The following DNAI4 variants were observed in gnomAD, a reference collection of about 807,000 sequenced individuals.
The protein encoded by DNAI4 is dynein axonemal intermediate chain 4.
In DNAI4, 85 loss-of-function variants were observed where a neutral mutation model predicts 105.8. The observed-to-expected ratio is 0.80, with a 90% confidence interval of 0.67 to 0.96. The LOEUF (loss-of-function observed/expected upper bound fraction) is 0.96. Ranked by LOEUF, DNAI4 falls within the 40% of genes least tolerant of loss-of-function variation. The pLI, the probability that DNAI4 is intolerant of heterozygous loss-of-function variation, is 0.00. For synonymous variants in DNAI4, 352 were observed against 331.5 expected (o/e 1.06, Z -0.67); for missense variants, 1,014 against 1,005.6 (o/e 1.01, Z -0.11).
intron 1 of DNAI4, among the ~76,000 whole-genome samples, chr1:66,907,780 T>C (rs1442736222): frequency 2.0e-5 from 3 of 152,232 alleles, no homozygotes; most frequent in Non-Finnish European, 2.9e-5. Context: ...TAAATGATTT[T>C]ACCTGCCTTG....
chr1:66,898,832 G>T (rs1164773467), intron 2 of DNAI4, among the ~76,000 whole-genome samples: 58 of 152,128 alleles, frequency 3.8e-4, no homozygotes, highest in Admixed American at 3.8e-3. Context: ...TGTCTCTATA[G>T]ACTTCCCTAT....
intron 10 of DNAI4, among the ~76,000 whole-genome samples, chr1:66,836,144 G>GAAAGAAAGAAAGA (rs1433246702): frequency 1.1e-4 from 2 of 18,128 alleles, no homozygotes; most frequent in African/African-American, 3.6e-4. Context: ...AGAAAGAAAA[G>GAAAGAAAGAAAGA]AAAGAAAGAA....
chr1:66,918,871 A>G (rs1262744919), intron 1 of DNAI4: 1 of 154,178 alleles, frequency 6.5e-6, no homozygotes, highest in Non-Finnish European at 1.4e-5. Flanking sequence ...GGGAGAATTC[A>G]AGCTGGGAAC....
intron 13 of DNAI4, among the ~76,000 whole-genome samples, chr1:66,832,958 T>C (rs780914232): frequency 8.5e-5 from 13 of 152,192 alleles, no homozygotes; most frequent in Non-Finnish European, 1.6e-4. Flanking sequence ...AATTGAAATG[T>C]AGAAGACTAT....
chr1:66,821,120 T>C (rs556050072), intron 16 of DNAI4, among the ~76,000 whole-genome samples: 1 of 124,100 alleles, frequency 8.1e-6, no homozygotes, highest in South Asian at 2.6e-4. Context: ...TTTTTTTGAG[T>C]CAGAAGTTTG....
intron 1 of DNAI4, among the ~76,000 whole-genome samples, chr1:66,911,876 CTG>C (rs1190879396): frequency 6.6e-6 from 1 of 152,212 alleles, no homozygotes; most frequent in Non-Finnish European, 1.5e-5. Context: ...GAGTCTCACT[CTG>C]TTGCCCAGGC....
chr1:66,829,320 C>T (rs895113513), intron 13 of DNAI4, among the ~76,000 whole-genome samples: 3 of 151,794 alleles, frequency 2.0e-5, no homozygotes, highest in African/African-American at 7.3e-5. Context: ...ATGCTACCTA[C>T]AAAAAAATTT....
At chr1:66,833,547 T>G (rs751816995) in intron 13 of DNAI4, 38 bp downstream of exon 13, 4 of 1,601,552 alleles carry the variant, frequency 2.5e-6, no homozygotes, top group Non-Finnish European at 3.4e-6. Context: ...TTTTGGAAAT[T>G]GTTATGTCCA....
At chr1:66,901,959 C>A (rs937112306) in intron 2 of DNAI4, among the ~76,000 whole-genome samples, 4 of 151,958 alleles carry the variant, frequency 2.6e-5, no homozygotes, top group African/African-American at 9.7e-5. Context: ...TTTATTTTTT[C>A]ATTTTCTTAT....
At chr1:66,836,219 A>T (rs1645999264) in intron 10 of DNAI4, among the ~76,000 whole-genome samples, 1 of 106,186 alleles carries the variant, frequency 9.4e-6, no homozygotes, top group Non-Finnish European at 2.0e-5. Context: ...AGAGAGAGAG[A>T]GAGAGAGAGA....
At chr1:66,827,775 CA>C in intron 14 of DNAI4, 36 bp downstream of exon 14, 4 of 1,265,088 alleles carry the variant, frequency 3.2e-6, no homozygotes, top group Non-Finnish European at 4.4e-6. Flanking sequence ...TTCAGAAATA[CA>C]AAATAAATGT....
chr1:66,852,810 CTCA>C (rs1341844001), intron 7 of DNAI4, among the ~76,000 whole-genome samples: 1 of 152,128 alleles, frequency 6.6e-6, no homozygotes, highest in Non-Finnish European at 1.5e-5. Context: ...AGATAATTAA[CTCA>C]TGAGAGTGGA....
At chr1:66,843,839 C>T (rs1449536766) in intron 8 of DNAI4, among the ~76,000 whole-genome samples, 3 of 152,060 alleles carry the variant, frequency 2.0e-5, no homozygotes, top group African/African-American at 7.2e-5. Context: ...ACTAGGCTCT[C>T]TATTCTGTTC....
chr1:66,847,470 T>C lies in DNAI4; in HGVS notation c.1291+14A>G. 1.9e-6 allele frequency: 3 copies of C among 1,601,834 alleles called. No homozygotes were observed. Among genetic ancestry groups the C allele is most frequent in the Non-Finnish European group, 1.7e-6 (2 of 1,173,516 alleles). ...ACTGCACCCAGCCTAAACATGTTTA[T>C]TTTTTTTAAATACCTTTTAAAACAG... is the stretch of plus-strand genomic sequence containing the variant. On this transcript the variant is annotated intron_variant, in intron 8 of 16. Transcript: ENST00000371026.
chr1:66,914,532 G>A (rs976455605), intron 1 of DNAI4, among the ~76,000 whole-genome samples: 15 of 151,988 alleles, frequency 9.9e-5, no homozygotes, highest in Non-Finnish European at 2.2e-4. Flanking sequence ...AATTAAATCC[G>A]TTTTCATTTC....
chr1:66,876,952 C>T (rs1646971537), intron 4 of DNAI4, among the ~76,000 whole-genome samples: 2 of 152,220 alleles, frequency 1.3e-5, no homozygotes, highest in South Asian at 2.1e-4. Context: ...TAGAACCTTT[C>T]GTGAATGGGT....
At chr1:66,817,208 C>G (rs1255277153) in intron 16 of DNAI4, among the ~76,000 whole-genome samples, 1 of 152,174 alleles carries the variant, frequency 6.6e-6, no homozygotes, top group African/African-American at 2.4e-5. Context: ...AACAAGGCTA[C>G]TATAAACATT....
chr1:66,832,620 A>G (rs1303230283), intron 13 of DNAI4, among the ~76,000 whole-genome samples: 3 of 152,170 alleles, frequency 2.0e-5, no homozygotes, highest in African/African-American at 7.2e-5. Flanking sequence ...CAGAGTGACT[A>G]TAGTCAATAA....
rs202224298 is a variant in DNAI4 at position 66,820,025 on chromosome 1, AT to A, written c.2496+2335del. 4.9e-3 allele frequency among the ~76,000 whole-genome samples: 747 copies of A among 152,332 alleles called. 4 individuals are homozygous for A. Among genetic ancestry groups the A allele is most frequent in the African/African-American group, 0.017 (691 of 41,572 alleles). Reference sequence around the variant, plus strand: ...TGGATTCACTTAAACATTTTAAGACATTTGAATAAGAATGGAATTTTCTTTT... The same window carrying A: ...TGGATTCACTTAAACATTTTAAGACATTGAATAAGAATGGAATTTTCTTTT... On this transcript the variant is annotated intron_variant, in intron 16 of 16. Coordinates refer to ENST00000371026, the MANE Select transcript of DNAI4 (RefSeq NM_024763.5).
Sources: gnomAD v4.1 joint callset for allele counts (sites outside exome capture counted in the v4.1 genomes callset) on GRCh38, gnomAD v4.1.1 for gene constraint, MANE v1.5 for transcripts, NCBI Gene and HGNC (gene_info 2026-07-23, HGNC 2026-07-21) for gene names.